SCN11A: variants seen among roughly 807,000 people sequenced by gnomAD.
SCN11A encodes the protein sodium voltage-gated channel alpha subunit 11.
A neutral mutation model predicts 162.2 loss-of-function variants in SCN11A; 122 were observed. That is an observed-to-expected ratio of 0.75 (90% CI 0.65 to 0.87). The LOEUF is 0.87. Ranked by LOEUF, SCN11A falls within the 40% of genes least tolerant of loss-of-function variation. The pLI is 0.00. For synonymous variants in SCN11A, 758 were observed against 751.5 expected, an observed-to-expected ratio of 1.01 and a Z score of -0.14; for missense variants, 2,015 against 2,181.6, an observed-to-expected ratio of 0.92 and a Z score of 1.52.
chr3:38,935,657 C>G (rs996233867), intron 7 of SCN11A, among the ~76,000 whole-genome samples: 3 of 152,210 alleles, frequency 2.0e-5, no homozygotes, highest in African/African-American at 7.2e-5. Flanking sequence ...GACACATACA[C>G]CCTCCCAAGA....
At chr3:38,891,909 A>G (rs2065506620) in intron 19 of SCN11A, among the ~76,000 whole-genome samples, 1 of 152,200 alleles carries the variant, frequency 6.6e-6, no homozygotes. Flanking sequence ...TTCAAATCCT[A>G]GCACTCCACA....
At chr3:39,037,126 T>G (rs1179017477) in intron 1 of SCN11A, among the ~76,000 whole-genome samples, 1 of 152,206 alleles carries the variant, frequency 6.6e-6, no homozygotes, top group Non-Finnish European at 1.5e-5. Context: ...GTGTATACGA[T>G]AGAGTACTAT....
In SCN11A at chr3:38,921,169, A is replaced by G; in HGVS notation, c.799T>C (p.Phe267Leu). 1 of 1,614,106 alleles carries G rather than the reference A, an allele frequency of 6.2e-7. No homozygotes were observed. The highest frequency in any genetic ancestry group is 8.5e-7 in the Non-Finnish European group (1 of 1,179,952). The change falls in exon 10 of 30, where the codon TTT becomes CTT. Residue 267 changes from phenylalanine (F) to leucine (L), a missense_variant. Physicochemically the swap from Phe to Leu is conservative, Grantham distance 22 (BLOSUM62 0). Transcript: ENST00000302328. ...AAGAGCTGCTGACCTACCAGGGCAA[A>G]GATGCTGAGGCAAAAGAAGGTGAGG... ...IILTFFCLSI[F>L]ALVGQQLFMG...
intron 29 of SCN11A, chr3:38,849,338 G>A (rs186553594): frequency 1.6e-5 from 2 of 125,396 alleles, no homozygotes; most frequent in East Asian, 5.1e-4. Context: ...AAAAATTAAA[G>A]GTCTACTTAA....
At chr3:38,897,382 T>G (rs1013011581) in intron 17 of SCN11A, among the ~76,000 whole-genome samples, 157 bp from the exon 18 acceptor site, 17 of 152,222 alleles carry the variant, frequency 1.1e-4, no homozygotes, top group East Asian at 3.8e-4. Flanking sequence ...CAGATCGCTG[T>G]CATAATCTAA....
rs544656130 is a variant in SCN11A, at chr3:39,051,910, A to T, written c.-453T>A. ...CAGCAACTAACAGCACCGAGGAAAC[A>T]CAACAGCCTGTTTACCTTCAGCCCC... On this transcript the variant is annotated 5_prime_UTR_variant, in exon 1 of 30. Coordinates refer to ENST00000302328, the MANE Select transcript of SCN11A (RefSeq NM_001349253.2). The T allele has an allele frequency of 1.5e-6, 2 of 1,315,842 alleles. No individual in the cohort carries two copies. The highest frequency in any genetic ancestry group is 2.2e-6 in the Non-Finnish European group (2 of 927,712). The allele number at this position is 1,315,842 out of a possible 1,614,324, so 81.5% of individuals were successfully genotyped here.
At chr3:38,882,518 A>G (rs981309399) in intron 22 of SCN11A, among the ~76,000 whole-genome samples, 1 of 152,190 alleles carries the variant, frequency 6.6e-6, no homozygotes, top group Non-Finnish European at 1.5e-5. Flanking sequence ...TGATAGAAAA[A>G]AGCAGAAAAT....
At chr3:39,029,993 T>C (rs2031706782) in intron 2 of SCN11A, among the ~76,000 whole-genome samples, 1 of 152,210 alleles carries the variant, frequency 6.6e-6, no homozygotes, top group Non-Finnish European at 1.5e-5. Context: ...TAATTTTTCT[T>C]CCATTTCCAC....
intron 4 of SCN11A, among the ~76,000 whole-genome samples, chr3:38,952,757 G>C (rs2066637214): frequency 6.6e-6 from 1 of 152,164 alleles, no homozygotes; most frequent in South Asian, 2.1e-4. Flanking sequence ...TAAGACTTAG[G>C]ACAAGAGAAA....
At chr3:38,996,900 T>C (rs2030662712) in intron 2 of SCN11A, among the ~76,000 whole-genome samples, 1 of 152,168 alleles carries the variant, frequency 6.6e-6, no homozygotes, top group Admixed American at 6.5e-5. Flanking sequence ...CACTTGATCA[T>C]GCCACTGTAC....
In SCN11A at chr3:38,997,941, G is replaced by T. The variant is rs565588296; in HGVS notation, c.-280+34439C>A. Among the ~76,000 whole-genome samples the T allele has an allele frequency of 3.7e-4, 57 of 152,244 alleles. 1 individual carries two copies. The highest frequency in any genetic ancestry group is 1.3e-3 in the African/African-American group (56 of 41,564). On this transcript the variant is annotated intron_variant, in intron 2 of 29. Transcript: ENST00000302328. Reference sequence around the variant, plus strand: ...AGATATCCTCACTTGGGACAATGAAGGTGCATACTGATAGGAGAGAATCCG... The same window carrying T: ...AGATATCCTCACTTGGGACAATGAATGTGCATACTGATAGGAGAGAATCCG...
intron 2 of SCN11A, among the ~76,000 whole-genome samples, chr3:38,992,839 TAG>T (rs1177957822): frequency 1.3e-5 from 2 of 152,152 alleles, no homozygotes; most frequent in Admixed American, 6.5e-5. Context: ...CAAGGGCAGG[TAG>T]AGTTTTACTG....
chr3:38,972,383 C>T (rs1575342811), intron 2 of SCN11A, among the ~76,000 whole-genome samples: 4 of 152,124 alleles, frequency 2.6e-5, no homozygotes, highest in Admixed American at 2.6e-4. Context: ...TCATTGGCAG[C>T]CCAGGTAGCC....
intron 28 of SCN11A, among the ~76,000 whole-genome samples, chr3:38,854,795 T>A (rs2064840819): frequency 6.6e-6 from 1 of 152,164 alleles, no homozygotes; most frequent in African/African-American, 2.4e-5. Context: ...GGGAGCTGCA[T>A]GAAGTGCAAA....
chr3:38,862,802 G>C (rs1467812348), intron 28 of SCN11A, among the ~76,000 whole-genome samples: 1 of 152,038 alleles, frequency 6.6e-6, no homozygotes, highest in East Asian at 1.9e-4. Context: ...TACACTGCTT[G>C]GGTGACAGGT....
intron 2 of SCN11A, among the ~76,000 whole-genome samples, chr3:39,007,101 A>G (rs2031000569): frequency 6.6e-6 from 1 of 152,148 alleles, no homozygotes; most frequent in Non-Finnish European, 1.5e-5. Context: ...GATTAAAAAG[A>G]CCTAGGAAAT....
intron 26 of SCN11A, among the ~76,000 whole-genome samples, chr3:38,868,479 G>A (rs1049810307): frequency 2.0e-5 from 3 of 152,196 alleles, no homozygotes; most frequent in African/African-American, 4.8e-5. Flanking sequence ...TTGCATGTTA[G>A]GTTACTGCTT....
At chr3:38,950,441 A>T in intron 4 of SCN11A, 72 bp from the exon 5 acceptor site, 1 of 1,484,084 alleles carries the variant, frequency 6.7e-7, no homozygotes, top group South Asian at 1.2e-5. Flanking sequence ...CTGCCCTAGG[A>T]TTCCAGTCTT....
intron 2 of SCN11A, among the ~76,000 whole-genome samples, chr3:39,025,034 CT>C (rs1317612502): frequency 6.6e-6 from 1 of 152,216 alleles, no homozygotes. Flanking sequence ...GTGAAACCCC[CT>C]GGCCTCTGCA....
Sources: allele counts gnomAD v4.1 joint callset (sites outside exome capture counted in the v4.1 genomes callset), GRCh38; gene constraint gnomAD v4.1.1; transcripts MANE v1.5; gene names NCBI Gene and HGNC (gene_info 2026-07-23, HGNC 2026-07-21).